FANCC: variants seen among roughly 807,000 people sequenced by gnomAD.
FANCC encodes the protein FA complementation group C.
In FANCC, 55 loss-of-function variants were observed where a neutral mutation model predicts 71.3. That is an observed-to-expected ratio of 0.77 (90% CI 0.62 to 0.97). FANCC has a LOEUF of 0.97. Among genes scored for constraint, FANCC ranks in the 50% least tolerant of loss-of-function variants. The pLI, the probability that FANCC is intolerant of heterozygous loss-of-function variation, is 0.00. For synonymous variants in FANCC, 275 were observed against 244.9 expected (o/e 1.12, Z -1.15); for missense variants, 678 against 670.9 (o/e 1.01, Z -0.12).
intron 4 of FANCC, among the ~76,000 whole-genome samples, chr9:95,231,736 GT>G (rs1830022975): frequency 6.6e-6 from 1 of 152,178 alleles, no homozygotes; most frequent in African/African-American, 2.4e-5. Flanking sequence ...TCTTATGAGG[GT>G]GCAAATCAAA....
chr9:95,128,836 AG>A (rs1049288768), intron 8 of FANCC, among the ~76,000 whole-genome samples: 20 of 152,156 alleles, frequency 1.3e-4, no homozygotes, highest in African/African-American at 4.8e-4. Flanking sequence ...CTTTTAAAAC[AG>A]GTAAGAGGCC....
intron 4 of FANCC, among the ~76,000 whole-genome samples, chr9:95,228,975 C>T (rs1829811160): frequency 6.6e-6 from 1 of 152,126 alleles, no homozygotes; most frequent in Non-Finnish European, 1.5e-5. Flanking sequence ...CAGGAACCTA[C>T]CCGAGGCTCC....
intron 1 of FANCC, among the ~76,000 whole-genome samples, chr9:95,285,601 G>A (rs1412603174): frequency 1.3e-5 from 2 of 151,976 alleles, no homozygotes; most frequent in African/African-American, 4.8e-5. Context: ...TTGAGCCCAG[G>A]AAGCTGAGGC....
intron 1 of FANCC, among the ~76,000 whole-genome samples, chr9:95,291,993 T>TATATATATATATATA (rs1834048581): frequency 3.2e-5 from 4 of 124,476 alleles, no homozygotes; most frequent in Admixed American, 8.2e-5. Context: ...TATATATATA[T>TATATATATATATATA]TAAGACCCCA....
chr9:95,240,528 T>A (rs1011018348), intron 4 of FANCC, 121 bp downstream of exon 4: 4 of 694,658 alleles, frequency 5.8e-6, no homozygotes, highest in African/African-American at 5.4e-5. Flanking sequence ...AAGGGTATGT[T>A]TGAAAAAGTT....
chr9:95,257,403 A>C (rs941640905), intron 1 of FANCC, among the ~76,000 whole-genome samples: 1 of 152,246 alleles, frequency 6.6e-6, no homozygotes, highest in African/African-American at 2.4e-5. Flanking sequence ...AACTACATGG[A>C]AACTGAACAA....
intron 1 of FANCC, among the ~76,000 whole-genome samples, chr9:95,274,563 A>G (rs937476090): frequency 6.6e-6 from 1 of 152,200 alleles, no homozygotes; most frequent in African/African-American, 2.4e-5. Flanking sequence ...GCTGGGTCAA[A>G]TGGTATTTCT....
chr9:95,252,367 T>C (rs1305903022), intron 1 of FANCC, among the ~76,000 whole-genome samples: 1 of 150,342 alleles, frequency 6.7e-6, no homozygotes, highest in Non-Finnish European at 1.5e-5. Flanking sequence ...CATATGGCAC[T>C]AGATGCAGAT....
intron 1 of FANCC, among the ~76,000 whole-genome samples, chr9:95,281,366 T>C (rs79958967): frequency 3.6e-4 from 54 of 152,060 alleles, no homozygotes; most frequent in African/African-American, 1.3e-3. Flanking sequence ...AGCAGAAACA[T>C]TGTCCTGAAG....
chr9:95,244,834 C>G (rs576339223), intron 3 of FANCC, among the ~76,000 whole-genome samples: 242 of 151,444 alleles, frequency 1.6e-3, no homozygotes, highest in Non-Finnish European at 2.6e-3. Flanking sequence ...CAGAACATTA[C>G]AGAAGGTGGA....
chr9:95,305,158 A>G (rs1835000851), intron 1 of FANCC, among the ~76,000 whole-genome samples: 1 of 152,218 alleles, frequency 6.6e-6, no homozygotes. Context: ...ATTTAATGCA[A>G]TTACCAATAA....
At chr9:95,115,975 CATA>C (rs1481973265) in intron 11 of FANCC, among the ~76,000 whole-genome samples, 1 of 152,184 alleles carries the variant, frequency 6.6e-6, no homozygotes, top group East Asian at 1.9e-4. Context: ...AATCTGTGAC[CATA>C]ACACTGTTTC....
chr9:95,299,888 A>C lies in FANCC; in HGVS notation c.-79+17638T>G, dbSNP rs955451772. 2.6e-5 allele frequency among the ~76,000 whole-genome samples: 4 copies of C among 151,936 alleles called. No individual in the cohort carries two copies. In the East Asian group the frequency reaches 7.7e-4, roughly 29 times the overall value. On this transcript the variant is annotated intron_variant, in intron 1 of 14. Transcript: ENST00000289081. The stretch of plus-strand genomic sequence containing the variant: ...ATGCATGCGCACACACACACACACA[A>C]AATGGTATCTCTGTATACTCAAAAC...
At chr9:95,227,219 G>A (rs1269687129) in intron 4 of FANCC, among the ~76,000 whole-genome samples, 1 of 152,100 alleles carries the variant, frequency 6.6e-6, no homozygotes, top group East Asian at 1.9e-4. Flanking sequence ...TGCCCTGCCC[G>A]CCATAGGTCC....
chr9:95,235,268 A>T (rs1316751305), intron 4 of FANCC, among the ~76,000 whole-genome samples: 1 of 152,274 alleles, frequency 6.6e-6, no homozygotes, highest in Non-Finnish European at 1.5e-5. Context: ...TGGGAAATGC[A>T]CCTGATGCAT....
intron 10 of FANCC, among the ~76,000 whole-genome samples, chr9:95,124,817 C>T (rs934685373): frequency 6.6e-6 from 1 of 152,296 alleles, no homozygotes; most frequent in African/African-American, 2.4e-5. Context: ...CAAGAAGAGC[C>T]GTCCTCCAGG....
chr9:95,189,691 G>C (rs1826962513), intron 4 of FANCC, among the ~76,000 whole-genome samples: 1 of 152,136 alleles, frequency 6.6e-6, no homozygotes, highest in African/African-American at 2.4e-5. Context: ...CATTCACTAG[G>C]AGCAGATCAT....
chr9:95,112,712 G>A (rs529714819), intron 12 of FANCC, among the ~76,000 whole-genome samples: 1 of 152,330 alleles, frequency 6.6e-6, no homozygotes, highest in African/African-American at 2.4e-5. Flanking sequence ...CAGCGTGACT[G>A]GATCAGGATC....
chr9:95,233,829 T>G (rs1345741667), intron 4 of FANCC, among the ~76,000 whole-genome samples: 1 of 152,180 alleles, frequency 6.6e-6, no homozygotes, highest in African/African-American at 2.4e-5. Flanking sequence ...TTATTAATAT[T>G]TCACAAATGT....
Sources: gnomAD v4.1 joint callset for allele counts (sites outside exome capture counted in the v4.1 genomes callset) on GRCh38, gnomAD v4.1.1 for gene constraint, MANE v1.5 for transcripts, NCBI Gene and HGNC (gene_info 2026-07-23, HGNC 2026-07-21) for gene names.